NOX4: variants seen among roughly 807,000 people sequenced by gnomAD.
The protein encoded by NOX4 is NADPH oxidase 4, also known as kidney oxidase-1.
In NOX4, 69 loss-of-function variants were observed where a neutral mutation model predicts 87.6. That is an observed-to-expected ratio of 0.79 (90% confidence interval 0.65 to 0.96). The LOEUF (loss-of-function observed/expected upper bound fraction) is 0.96. NOX4 is among the 40% of genes least tolerant of loss of function. NOX4 has a pLI of 0.00. For synonymous variants in NOX4, 275 were observed against 238.2 expected (o/e 1.15, Z -1.42); for missense variants, 680 against 681.5 (o/e 1.00, Z 0.02).
Position 89,375,053 on chromosome 11 carries a change from T to C in NOX4, c.1075-1561A>G, listed in dbSNP as rs553626081. Among the ~76,000 whole-genome samples, 10 of 152,264 alleles carry C rather than the reference T, an allele frequency of 6.6e-5. No individual in the cohort carries two copies. In the East Asian group the frequency reaches 9.7e-4, roughly 15 times the overall value. ...TAAATATAAAGGTAGGTATTTGTCA[T>C]TGATTCATAATAAATTATGAACAAA... is the stretch of plus-strand genomic sequence containing the variant. On this transcript the variant is annotated intron_variant, in intron 11 of 17. Coordinates refer to ENST00000263317, the MANE Select transcript of NOX4 (RefSeq NM_016931.5).
chr11:89,547,770 T>C, the NOX4 span, among the ~76,000 whole-genome samples: 1 of 152,082 alleles, frequency 6.6e-6, no homozygotes, highest in South Asian at 2.1e-4. Context: ...TAAGGATAGG[T>C]ATTGTTTAAA....
chr11:89,526,277 C>T, the NOX4 span, among the ~76,000 whole-genome samples: 4 of 152,066 alleles, frequency 2.6e-5, no homozygotes, highest in Non-Finnish European at 5.9e-5. Context: ...TAGTTGTACA[C>T]ATTTATGGGG....
At chr11:89,567,275 C>G in the NOX4 span, among the ~76,000 whole-genome samples, 18 of 152,146 alleles carry the variant, frequency 1.2e-4, no homozygotes, top group African/African-American at 4.1e-4. Flanking sequence ...ACCTAACCAT[C>G]GGAGAGCTTT....
upstream of NOX4, among the ~76,000 whole-genome samples, chr11:89,497,205 T>C (rs1459701616): frequency 6.6e-6 from 1 of 152,206 alleles, no homozygotes; most frequent in Non-Finnish European, 1.5e-5. Context: ...TTGTTTATGA[T>C]ATCATTTGTG....
upstream of NOX4, among the ~76,000 whole-genome samples, chr11:89,500,601 G>A (rs1250344627): frequency 6.6e-6 from 1 of 152,126 alleles, no homozygotes; most frequent in Non-Finnish European, 1.5e-5. Flanking sequence ...CAGAAGAGAT[G>A]TGTATGTCCT....
upstream of NOX4, chr11:89,491,562 T>G: frequency 8.3e-6 from 3 of 363,636 alleles, no homozygotes; most frequent in Non-Finnish European, 4.9e-6. Flanking sequence ...CCCCTTTGTC[T>G]AGGGGCGAGC....
the NOX4 span, among the ~76,000 whole-genome samples, chr11:89,579,015 C>T: frequency 6.6e-6 from 1 of 152,088 alleles, no homozygotes; most frequent in African/African-American, 2.4e-5. Flanking sequence ...AGACACAGAA[C>T]CTTACTTTCA....
chr11:89,380,875 G>C (rs1419068634), intron 11 of NOX4, among the ~76,000 whole-genome samples: 1 of 151,968 alleles, frequency 6.6e-6, no homozygotes, highest in African/African-American at 2.4e-5. Flanking sequence ...GCTGATTTTT[G>C]ACAAGCAATA....
At chr11:89,383,807 G>A (rs1249622535) in intron 11 of NOX4, among the ~76,000 whole-genome samples, 1 of 151,972 alleles carries the variant, frequency 6.6e-6, no homozygotes, top group Non-Finnish European at 1.5e-5. Flanking sequence ...ACACCTCACT[G>A]CCACCCTTTT....
At chr11:89,581,043 T>C in the NOX4 span, among the ~76,000 whole-genome samples, 8 of 152,146 alleles carry the variant, frequency 5.3e-5, no homozygotes, top group Admixed American at 1.3e-4. Context: ...CAAATAAAAG[T>C]GCAGAAAATA....
chr11:89,531,333 C>T, the NOX4 span, among the ~76,000 whole-genome samples: 1 of 152,150 alleles, frequency 6.6e-6, no homozygotes, highest in Non-Finnish European at 1.5e-5. Context: ...GACTGAACCT[C>T]TTTCTAAGCA....
At chr11:89,501,709 T>G (rs781690693), upstream of NOX4, among the ~76,000 whole-genome samples, 5 of 151,946 alleles carry the variant, frequency 3.3e-5, no homozygotes, top group Non-Finnish European at 7.4e-5. Flanking sequence ...GGACAGTGGA[T>G]GAAGAAGAAC....
intron 11 of NOX4, among the ~76,000 whole-genome samples, chr11:89,398,573 C>T (rs193108085): frequency 1.6e-3 from 235 of 151,206 alleles, no homozygotes; most frequent in African/African-American, 5.5e-3. Flanking sequence ...TCAATTATTC[C>T]CTTCTATTTT....
At chr11:89,577,580 G>A in the NOX4 span, 4 of 152,162 alleles carry the variant, frequency 2.6e-5, no homozygotes, top group Non-Finnish European at 5.9e-5. Context: ...ATTGAGATTA[G>A]AAAGATTAAA....
chr11:89,463,716 G>T (rs1945564576), intron 2 of NOX4, among the ~76,000 whole-genome samples: 1 of 151,842 alleles, frequency 6.6e-6, no homozygotes, highest in Non-Finnish European at 1.5e-5. Flanking sequence ...GTCCAGTTAG[G>T]TTATTTCTAC....
chr11:89,416,679 G>A (rs1266707104), intron 8 of NOX4, among the ~76,000 whole-genome samples: 1 of 152,078 alleles, frequency 6.6e-6, no homozygotes, highest in Non-Finnish European at 1.5e-5. Context: ...TGACACTGCC[G>A]GGGGTTCATT....
intron 2 of NOX4, among the ~76,000 whole-genome samples, chr11:89,478,142 C>A (rs1006503878): frequency 6.6e-6 from 1 of 152,038 alleles, no homozygotes; most frequent in African/African-American, 2.4e-5. Flanking sequence ...GAGAGTCTTA[C>A]ACTCATTTCT....
intron 6 of NOX4, among the ~76,000 whole-genome samples, chr11:89,439,168 G>C (rs1288141177): frequency 1.3e-5 from 2 of 148,558 alleles, no homozygotes; most frequent in African/African-American, 2.5e-5. Context: ...AGGTTCCAAG[G>C]CTTCAATTAA....
intron 6 of NOX4, among the ~76,000 whole-genome samples, chr11:89,437,737 T>C (rs1944151545): frequency 1.3e-5 from 2 of 152,212 alleles, no homozygotes; most frequent in Non-Finnish European, 2.9e-5. Flanking sequence ...GAAAAGACAG[T>C]ACATGTAAGG....
Sources: gnomAD v4.1 joint callset for allele counts (sites outside exome capture counted in the v4.1 genomes callset) on GRCh38, gnomAD v4.1.1 for gene constraint, MANE v1.5 for transcripts, NCBI Gene and HGNC (gene_info 2026-07-23, HGNC 2026-07-21) for gene names.